TRPM3: variants seen among roughly 807,000 people sequenced by gnomAD.
TRPM3 encodes transient receptor potential cation channel subfamily M member 3, also known as long transient receptor potential channel 3.
Under a neutral mutation model 181.2 loss-of-function variants are expected in TRPM3, and 77 were observed. The ratio of observed to expected loss-of-function variants is 0.42; its 90% CI spans 0.35 to 0.51. The LOEUF (loss-of-function observed/expected upper bound fraction) is 0.51. TRPM3 is among the 20% of genes least tolerant of loss of function. The pLI is 0.01. For missense variants in TRPM3, 1,759 were observed against 2,196.7 expected (o/e 0.80, Z 3.98); for synonymous variants, 745 against 796.4 (o/e 0.94, Z 1.09).
At chr9:71,261,578 A>C (rs58245214) in intron 1 of TRPM3, among the ~76,000 whole-genome samples, 36,754 of 152,096 alleles carry the variant, frequency 0.24, 5,169 homozygotes, top group African/African-American at 0.37. Context: ...TTTGGAGAAG[A>C]AGCATTCTGG....
At chr9:70,818,737 T>C (rs2092912586) in intron 6 of TRPM3, among the ~76,000 whole-genome samples, 1 of 152,234 alleles carries the variant, frequency 6.6e-6, no homozygotes, top group Non-Finnish European at 1.5e-5. Context: ...AAGGTCAATT[T>C]AAGTATATTT....
intron 1 of TRPM3, among the ~76,000 whole-genome samples, chr9:71,409,634 C>T (rs983973900): frequency 1.3e-5 from 2 of 152,168 alleles, no homozygotes; most frequent in African/African-American, 4.8e-5. Context: ...TACAGAGAGA[C>T]TTAGACTCCC....
chr9:71,313,016 A>G (rs2088128371), intron 1 of TRPM3, among the ~76,000 whole-genome samples: 1 of 152,162 alleles, frequency 6.6e-6, no homozygotes, highest in African/African-American at 2.4e-5. Flanking sequence ...AATGTACAAC[A>G]CCAAGAGTGA....
At position 71,426,317 on chromosome 9, in the gene TRPM3, G is replaced by GT. The variant is rs918183204; in HGVS notation, c.183+20335dup. 4.8e-4 allele frequency among the ~76,000 whole-genome samples: 72 copies of GT among 151,210 alleles called. 1 individual carries two copies. The highest frequency in any genetic ancestry group is 1.6e-3 in the African/African-American group (66 of 41,176). ...TTTTTTTAATTTAGGGTTTTTTGAG[G>GT]TTTTTTTAATGGTCTGCATATACCA... On this transcript the variant is annotated intron_variant, in intron 1 of 24. Transcript: ENST00000357533.
At chr9:70,639,992 C>T (rs769955537) in intron 10 of TRPM3, among the ~76,000 whole-genome samples, 1 of 152,168 alleles carries the variant, frequency 6.6e-6, no homozygotes, top group African/African-American at 2.4e-5. Flanking sequence ...ACATATCCCA[C>T]CTGATGGCCA....
intron 1 of TRPM3, among the ~76,000 whole-genome samples, chr9:70,926,579 C>T (rs925910338): frequency 2.0e-4 from 30 of 152,150 alleles, no homozygotes; most frequent in Non-Finnish European, 3.8e-4. Context: ...TTTTTCTTCA[C>T]CTAATAGTGC....
chr9:71,022,652 G>T (rs1046540756), intron 1 of TRPM3, among the ~76,000 whole-genome samples: 1 of 152,016 alleles, frequency 6.6e-6, no homozygotes, highest in African/African-American at 2.4e-5. Flanking sequence ...GAGTCATGAT[G>T]TCACCATTGC....
intron 1 of TRPM3, among the ~76,000 whole-genome samples, chr9:71,315,295 C>T (rs893140357): frequency 6.6e-6 from 1 of 152,106 alleles, no homozygotes; most frequent in Non-Finnish European, 1.5e-5. Context: ...GATTTACATT[C>T]ACACATGAAC....
intron 9 of TRPM3, among the ~76,000 whole-genome samples, chr9:70,680,764 T>A (rs2065212668): frequency 6.6e-6 from 1 of 152,240 alleles, no homozygotes; most frequent in African/African-American, 2.4e-5. Context: ...AGAAACTTCC[T>A]TCTGTTTAAC....
At chr9:70,646,360 A>C (rs901288777) in intron 9 of TRPM3, among the ~76,000 whole-genome samples, 1 of 152,250 alleles carries the variant, frequency 6.6e-6, no homozygotes, top group Non-Finnish European at 1.5e-5. Flanking sequence ...AAAATGTGGC[A>C]CATATACACT....
intron 5 of TRPM3, among the ~76,000 whole-genome samples, chr9:70,835,732 T>C (rs2094276396): frequency 2.6e-5 from 4 of 152,156 alleles, no homozygotes; most frequent in African/African-American, 9.7e-5. Flanking sequence ...TGAAGTATTA[T>C]AAGGCTTAAC....
intron 1 of TRPM3, among the ~76,000 whole-genome samples, chr9:71,435,462 G>T (rs1404221880): frequency 1.3e-5 from 2 of 152,106 alleles, no homozygotes; most frequent in Admixed American, 1.3e-4. Context: ...AGTAAGATAG[G>T]CAATTTCCTC....
chr9:71,093,582 C>T (rs769483449), intron 1 of TRPM3, among the ~76,000 whole-genome samples: 1 of 152,018 alleles, frequency 6.6e-6, no homozygotes, highest in African/African-American at 2.4e-5. Flanking sequence ...AAAAGTCAGG[C>T]AACAATAGAT....
At chr9:70,697,015 G>T (rs1416772477) in intron 8 of TRPM3, among the ~76,000 whole-genome samples, 10 of 151,864 alleles carry the variant, frequency 6.6e-5, no homozygotes, top group Non-Finnish European at 1.5e-5. Context: ...ATTTCAATTT[G>T]TGCTTTCCTC....
At chr9:70,604,149 G>A (rs1314664081) in intron 19 of TRPM3, among the ~76,000 whole-genome samples, 3 of 152,216 alleles carry the variant, frequency 2.0e-5, no homozygotes, top group Non-Finnish European at 2.9e-5. Context: ...TTGTGGACGG[G>A]TGTGGGGTTT....
At chr9:70,655,939 G>A (rs577236520) in intron 9 of TRPM3, among the ~76,000 whole-genome samples, 4 of 152,158 alleles carry the variant, frequency 2.6e-5, no homozygotes, top group East Asian at 1.9e-4. Context: ...TATATGTTGC[G>A]TACACAACGT....
intron 1 of TRPM3, among the ~76,000 whole-genome samples, chr9:71,057,413 G>A (rs2060790269): frequency 1.3e-5 from 2 of 152,174 alleles, no homozygotes. Flanking sequence ...TGTTTAGTTA[G>A]ACTGATGCAG....
chr9:70,608,982 A>C (rs376373017), intron 19 of TRPM3, among the ~76,000 whole-genome samples: 1 of 152,166 alleles, frequency 6.6e-6, no homozygotes, highest in Non-Finnish European at 1.5e-5. Context: ...ATGTATGAAC[A>C]CAACACTGAT....
chr9:71,399,371 CTG>C (rs2093279083), intron 1 of TRPM3, among the ~76,000 whole-genome samples: 1 of 151,850 alleles, frequency 6.6e-6, no homozygotes, highest in Non-Finnish European at 1.5e-5. Flanking sequence ...ACATAGAAAA[CTG>C]TATATTTTAT....
Sources: allele counts gnomAD v4.1 joint callset (sites outside exome capture counted in the v4.1 genomes callset), GRCh38; gene constraint gnomAD v4.1.1; transcripts MANE v1.5; gene names NCBI Gene and HGNC (gene_info 2026-07-23, HGNC 2026-07-21).